Variants in PARD3B observed in about 807,000 individuals in gnomAD.
PARD3B encodes the protein par-3 family cell polarity regulator beta, also known as partitioning defective 3 homolog B.
In PARD3B, 103 loss-of-function variants were observed where a neutral mutation model predicts 130.2. The ratio of observed to expected loss-of-function variants is 0.79; its 90% CI spans 0.67 to 0.93. The LOEUF is 0.93. Among genes scored for constraint, PARD3B ranks in the 40% least tolerant of loss-of-function variants. PARD3B has a pLI of 0.00. For missense variants in PARD3B, 1,609 were observed against 1,499.2 expected (o/e 1.07, Z -1.21); for synonymous variants, 583 against 553.2 (o/e 1.05, Z -0.76).
Position 205,091,013 on chromosome 2 carries a change from G to T in PARD3B, c.505-13413G>T, listed in dbSNP as rs905239748. ...AATGGGATTCAAGGATTAATCCAGA[G>T]ATGATATTTGGATTAAATCATCACT... On this transcript the variant is annotated intron_variant, in intron 4 of 22. Coordinates refer to ENST00000406610, the MANE Select transcript of PARD3B (RefSeq NM_001302769.2). The surrounding 1 kb of genome is among the most constrained non-coding windows in gnomAD (Gnocchi z 4.2). 6.6e-6 allele frequency among the ~76,000 whole-genome samples: 1 copy of T among 152,188 alleles called. No homozygotes were observed. The highest frequency in any genetic ancestry group is 1.5e-5 in the Non-Finnish European group (1 of 68,042).
At chr2:205,098,892 A>G (rs977022999) in intron 4 of PARD3B, among the ~76,000 whole-genome samples, 1 of 152,148 alleles carries the variant, frequency 6.6e-6, no homozygotes, top group African/African-American at 2.4e-5. Context: ...TTTAAATCCA[A>G]CTCATTTTGG....
chr2:205,381,479 T>C (rs1262557857), intron 18 of PARD3B, among the ~76,000 whole-genome samples: 1 of 151,506 alleles, frequency 6.6e-6, no homozygotes, highest in Admixed American at 6.6e-5. Flanking sequence ...CTTTGGAAGG[T>C]CGGAAGGTAC....
At chr2:205,098,917 C>A (rs1469512035) in intron 4 of PARD3B, among the ~76,000 whole-genome samples, 2 of 152,094 alleles carry the variant, frequency 1.3e-5, no homozygotes, top group Non-Finnish European at 2.9e-5. Context: ...CAGAAATGCT[C>A]CCTTGATCCT....
chr2:204,709,189 A>G (rs2038320949), intron 2 of PARD3B, among the ~76,000 whole-genome samples: 1 of 152,224 alleles, frequency 6.6e-6, no homozygotes, highest in African/African-American at 2.4e-5. Flanking sequence ...AAATGCTTGT[A>G]TAGTCCCATT....
intron 4 of PARD3B, among the ~76,000 whole-genome samples, chr2:205,069,565 C>T (rs1222855292): frequency 6.6e-6 from 1 of 151,846 alleles, no homozygotes; most frequent in Non-Finnish European, 1.5e-5. Context: ...TAAATTTTAG[C>T]ATATATATAT....
Position 205,563,622 on chromosome 2 carries a change from A to C in PARD3B, c.3260+10219A>C, listed in dbSNP as rs1420395300. ...TGAACATCTTTTAAGGTTCCAGAGA[A>C]AATAGAAAATGTCAAAACCTACGGG... is the stretch of plus-strand genomic sequence containing the variant. On this transcript the variant is annotated intron_variant, in intron 22 of 22. Transcript: ENST00000406610. This position sits in a 1 kb window ranked among gnomAD's most constrained non-coding sequence, Gnocchi z 4.2. Among the ~76,000 whole-genome samples, 1 of 150,718 alleles carries C rather than the reference A, an allele frequency of 6.6e-6. No individual in the cohort carries two copies. Among genetic ancestry groups the C allele is most frequent in the East Asian group, 1.9e-4 (1 of 5,144 alleles).
intron 21 of PARD3B, among the ~76,000 whole-genome samples, chr2:205,549,012 G>T (rs1342910883): frequency 6.6e-6 from 1 of 152,080 alleles, no homozygotes; most frequent in Non-Finnish European, 1.5e-5. Context: ...AAATAAGACT[G>T]TGAAAAGATG....
At chr2:205,270,809 C>T (rs1374326123) in intron 16 of PARD3B, among the ~76,000 whole-genome samples, 1 of 151,936 alleles carries the variant, frequency 6.6e-6, no homozygotes. Context: ...GGGAAAAGAG[C>T]GTGCCAGCCT....
At chr2:204,985,866 C>T (rs766383152) in intron 3 of PARD3B, among the ~76,000 whole-genome samples, 2 of 151,966 alleles carry the variant, frequency 1.3e-5, no homozygotes, top group Non-Finnish European at 2.9e-5. Context: ...TTTAGGAGGC[C>T]GAGGTGGGTG....
chr2:205,561,332 T>C (rs2053128029), intron 22 of PARD3B, among the ~76,000 whole-genome samples: 1 of 152,172 alleles, frequency 6.6e-6, no homozygotes, highest in Non-Finnish European at 1.5e-5. Context: ...GTACTGGGCG[T>C]TGGCTGAAGC....
In PARD3B at chr2:205,265,979, C is replaced by A. The variant is rs2040488116; in HGVS notation, c.2185+20157C>A. Among the ~76,000 whole-genome samples, 1 of 152,046 alleles carries A rather than the reference C, an allele frequency of 6.6e-6. No homozygotes were observed. Among genetic ancestry groups the A allele is most frequent in the Non-Finnish European group, 1.5e-5 (1 of 67,966 alleles). On this transcript the variant is annotated intron_variant, in intron 16 of 22. Transcript: ENST00000406610. This position sits in a 1 kb window ranked among gnomAD's most constrained non-coding sequence, Gnocchi z 4.3. ...GCAGCATGCACATCCTATAAGGCAT[C>A]AGTCAGAAGACTCATTAGAAACATC...
intron 18 of PARD3B, among the ~76,000 whole-genome samples, chr2:205,317,115 C>G (rs538089114): frequency 6.6e-6 from 1 of 152,176 alleles, no homozygotes; most frequent in African/African-American, 2.4e-5. Context: ...CTTTAGATAA[C>G]CAGAGCATCC....
At chr2:205,147,090 T>A (rs1189556585) in intron 10 of PARD3B, among the ~76,000 whole-genome samples, 1 of 152,228 alleles carries the variant, frequency 6.6e-6, no homozygotes, top group African/African-American at 2.4e-5. Flanking sequence ...CAGGTTTCTC[T>A]AATCTACTTT....
intron 18 of PARD3B, among the ~76,000 whole-genome samples, chr2:205,354,419 C>A (rs1057401473): frequency 6.6e-6 from 1 of 150,998 alleles, no homozygotes; most frequent in East Asian, 1.9e-4. Context: ...TGTAACAAGC[C>A]GGCACGTTGT....
At chr2:205,090,554 A>C (rs1008919402) in intron 4 of PARD3B, among the ~76,000 whole-genome samples, 2 of 152,232 alleles carry the variant, frequency 1.3e-5, no homozygotes, top group African/African-American at 2.4e-5. Context: ...ATGGTGCTGC[A>C]GTCAGCTTCA....
chr2:205,036,524 A>G (rs1697912590), intron 3 of PARD3B, among the ~76,000 whole-genome samples: 1 of 149,244 alleles, frequency 6.7e-6, no homozygotes, highest in East Asian at 1.9e-4. Context: ...ATATATATAT[A>G]GCAGACTATA....
chr2:204,626,042 C>G (rs372307436), intron 1 of PARD3B, among the ~76,000 whole-genome samples: 4 of 152,098 alleles, frequency 2.6e-5, no homozygotes, highest in African/African-American at 7.2e-5. Flanking sequence ...CATAAAGACT[C>G]ATCAGTCATT....
At chr2:204,639,529 T>C (rs2035001072) in intron 1 of PARD3B, among the ~76,000 whole-genome samples, 1 of 152,168 alleles carries the variant, frequency 6.6e-6, no homozygotes, top group Non-Finnish European at 1.5e-5. Flanking sequence ...TACTGAACAG[T>C]GCAGACTTTT....
chr2:204,660,225 C>G (rs1338588989), intron 1 of PARD3B, among the ~76,000 whole-genome samples: 1 of 152,150 alleles, frequency 6.6e-6, no homozygotes, highest in East Asian at 1.9e-4. Flanking sequence ...GTCCCTTGCT[C>G]TGAAGTTTTT....
Sources: allele counts gnomAD v4.1 joint callset (sites outside exome capture counted in the v4.1 genomes callset), GRCh38; gene constraint gnomAD v4.1.1; non-coding constraint Gnocchi (gnomAD v3.1); transcripts MANE v1.5; gene names NCBI Gene and HGNC (gene_info 2026-07-23, HGNC 2026-07-21).